TRAPPC8: variants seen among roughly 807,000 people sequenced by gnomAD.
TRAPPC8 encodes the protein trafficking protein particle complex subunit 8, also known as general sporulation gene 1 homolog.
In TRAPPC8, 54 loss-of-function variants were observed where a neutral mutation model predicts 174.3. That is an observed-to-expected ratio of 0.31 (90% CI 0.25 to 0.39). TRAPPC8 has a LOEUF of 0.39. Ranked by LOEUF, TRAPPC8 falls within the 10% of genes least tolerant of loss-of-function variation. TRAPPC8 has a pLI of 1.00. For synonymous variants in TRAPPC8, 630 were observed against 579.9 expected, an observed-to-expected ratio of 1.09 and a Z score of -1.24; for missense variants, 1,531 against 1,699.1, an observed-to-expected ratio of 0.90 and a Z score of 1.74.
intron 1 of TRAPPC8, among the ~76,000 whole-genome samples, chr18:31,936,521 CAG>C (rs1027540777): frequency 2.6e-5 from 4 of 152,090 alleles, no homozygotes; most frequent in South Asian, 2.1e-4. Flanking sequence ...GAATTTTATT[CAG>C]AGTTTGGTAC....
At chr18:31,908,281 A>G in intron 8 of TRAPPC8, 22 bp downstream of exon 8, 1 of 1,519,920 alleles carries the variant, frequency 6.6e-7, no homozygotes, top group Non-Finnish European at 8.9e-7. Context: ...AGGAAAAACA[A>G]AAATGATAAC....
chr18:31,876,806 G>A (rs2035177149), intron 12 of TRAPPC8, among the ~76,000 whole-genome samples: 1 of 152,050 alleles, frequency 6.6e-6, no homozygotes, highest in South Asian at 2.1e-4. Context: ...TCATGATGCA[G>A]GACAACACTA....
intron 2 of TRAPPC8, among the ~76,000 whole-genome samples, chr18:31,928,336 TACACACAC>T (rs34570497): frequency 0.064 from 9,163 of 142,892 alleles, 337 homozygotes; most frequent in African/African-American, 0.11. Flanking sequence ...ACCTTATCTC[TACACACAC>T]ACACACACAC....
intron 12 of TRAPPC8, among the ~76,000 whole-genome samples, chr18:31,887,661 A>AAC (rs1555671308): frequency 6.6e-6 from 1 of 151,912 alleles, no homozygotes; most frequent in Non-Finnish European, 1.5e-5. Flanking sequence ...AAAAAAAAAA[A>AAC]AAATAGTAAG....
chr18:31,890,015 C>A (rs1043816189), intron 12 of TRAPPC8, among the ~76,000 whole-genome samples: 1 of 152,130 alleles, frequency 6.6e-6, no homozygotes, highest in Admixed American at 6.5e-5. Flanking sequence ...TCCTCATATG[C>A]CCCTAATAGA....
intron 19 of TRAPPC8, among the ~76,000 whole-genome samples, chr18:31,860,091 A>G (rs1281793686): frequency 2.6e-5 from 4 of 152,118 alleles, no homozygotes; most frequent in African/African-American, 9.7e-5. Context: ...TAAATAGTTG[A>G]TATTTGTGAT....
Position 31,855,803 on chromosome 18 carries a change from T to G in TRAPPC8, c.3193A>C (p.Arg1065=), listed in dbSNP as rs767899347. ...ATAATTGCAGTGTGTCTTAATATTC[T>G]GTGCCTGAAGTTAAAAAAAAAAAAA... The part of the protein sequence containing the change: ...SVKKQPKIRH[R]ILRHTAIICT... The change falls in exon 21 of 29, where the codon AGA becomes CGA. Residue 1065 remains arginine, a synonymous_variant. Coordinates refer to ENST00000283351, the MANE Select transcript of TRAPPC8 (RefSeq NM_014939.5). The G allele has an allele frequency of 6.3e-7, 1 of 1,582,460 alleles. No individual in the cohort carries two copies. Among genetic ancestry groups the G allele is most frequent in the African/African-American group, 1.5e-5 (1 of 67,372 alleles).
chr18:31,942,401 A>C (rs2038384036), intron 1 of TRAPPC8, among the ~76,000 whole-genome samples: 1 of 152,322 alleles, frequency 6.6e-6, no homozygotes, highest in South Asian at 2.1e-4. Context: ...GTGCCCAGAG[A>C]AACTGGAGCT....
intron 27 of TRAPPC8, among the ~76,000 whole-genome samples, chr18:31,834,919 T>C (rs1052952262): frequency 1.3e-5 from 2 of 152,152 alleles, no homozygotes; most frequent in Non-Finnish European, 2.9e-5. Context: ...ATCTCTTCTC[T>C]TTGTGTTTCT....
At chr18:31,906,546 C>T (rs1251983453) in intron 9 of TRAPPC8, among the ~76,000 whole-genome samples, 2 of 151,972 alleles carry the variant, frequency 1.3e-5, no homozygotes, top group African/African-American at 4.8e-5. Context: ...TTCTTATAAA[C>T]TTTTTTCTTC....
chr18:31,863,822 T>C (rs1289133397), intron 19 of TRAPPC8, among the ~76,000 whole-genome samples: 1 of 151,990 alleles, frequency 6.6e-6, no homozygotes, highest in Non-Finnish European at 1.5e-5. Context: ...ATCTTTCTTC[T>C]AGAAACTTGA....
chr18:31,863,966 TATA>T (rs548614578), intron 19 of TRAPPC8, among the ~76,000 whole-genome samples: 1 of 140,282 alleles, frequency 7.1e-6, no homozygotes, highest in Non-Finnish European at 1.5e-5. Flanking sequence ...TATACTAAAG[TATA>T]ATACTAAAGT....
At chr18:31,862,001 A>C (rs1271621406) in intron 19 of TRAPPC8, among the ~76,000 whole-genome samples, 5 of 151,956 alleles carry the variant, frequency 3.3e-5, no homozygotes, top group Admixed American at 2.0e-4. Flanking sequence ...CAATCATTAA[A>C]AACAGTATAT....
chr18:31,936,394 G>T lies in TRAPPC8; in HGVS notation c.158-4871C>A, dbSNP rs113710539. 4.6e-3 allele frequency among the ~76,000 whole-genome samples: 693 copies of T among 152,162 alleles called. 4 individuals are homozygous for T. The highest frequency in any genetic ancestry group is 7.6e-3 in the Non-Finnish European group (514 of 67,998). ...TGGAATGATCGCTTGAGCCCAGGAG[G>T]TCGAGGCTGCAGTGAACCATGATCA... is the stretch of plus-strand genomic sequence containing the variant. On this transcript the variant is annotated intron_variant, in intron 1 of 28. Transcript: ENST00000283351.
intron 11 of TRAPPC8, among the ~76,000 whole-genome samples, chr18:31,892,825 G>A (rs944682542): frequency 2.0e-5 from 3 of 151,974 alleles, no homozygotes; most frequent in African/African-American, 7.2e-5. Context: ...AAGCGTTCAA[G>A]ACCAGCCTGG....
intron 27 of TRAPPC8, among the ~76,000 whole-genome samples, chr18:31,835,708 G>GT (rs1396546305): frequency 1.3e-5 from 2 of 152,196 alleles, no homozygotes; most frequent in Non-Finnish European, 2.9e-5. Flanking sequence ...TGTGGTAACT[G>GT]TGAGTACTGC....
Position 31,864,837 on chromosome 18 carries a change from AT to A in TRAPPC8, c.2591-57del, listed in dbSNP as rs1358146108. ...TAATTTGGTATGTTAACTGACATCA[AT>A]TTAACTTGAATATGTGAATATTGTA... is the stretch of plus-strand genomic sequence containing the variant. On this transcript the variant is annotated intron_variant, in intron 18 of 28. Transcript: ENST00000283351. The A allele has an allele frequency of 1.9e-5, 27 of 1,442,166 alleles. No homozygotes were observed. The African/African-American group carries it at 3.6e-4, about 19-fold the overall frequency. 89.3% of individuals were successfully genotyped at this position (1,442,166 alleles called of 1,614,324 possible). A position where few individuals can be genotyped will look rare whatever the true frequency, so the allele number is the denominator to read the frequency against.
At chr18:31,941,560 CAA>C (rs1203694769) in intron 1 of TRAPPC8, among the ~76,000 whole-genome samples, 1 of 152,130 alleles carries the variant, frequency 6.6e-6, no homozygotes, top group African/African-American at 2.4e-5. Flanking sequence ...AAAGAAAATC[CAA>C]AAGTTTCCAA....
intron 1 of TRAPPC8, among the ~76,000 whole-genome samples, chr18:31,933,721 C>A (rs183186047): frequency 1.0e-3 from 153 of 151,976 alleles, no homozygotes; most frequent in African/African-American, 3.6e-3. Context: ...AAAATCAAGG[C>A]CTGCGTATAT....
Sources: gnomAD v4.1 joint callset for allele counts (sites outside exome capture counted in the v4.1 genomes callset) on GRCh38, gnomAD v4.1.1 for gene constraint, MANE v1.5 for transcripts, NCBI Gene and HGNC (gene_info 2026-07-23, HGNC 2026-07-21) for gene names.